ABTB3: variants seen among roughly 807,000 people sequenced by gnomAD.
The protein encoded by ABTB3 is ankyrin repeat- and BTB/POZ domain-containing protein 3.
At chr12:107,397,411 A>T in the ABTB3 span, among the ~76,000 whole-genome samples, 1 of 152,142 alleles carries the variant, frequency 6.6e-6, no homozygotes, top group African/African-American at 2.4e-5. Context: ...TGGGTCTCCT[A>T]TTCAGTAAAA....
chr12:107,657,988 G>A, the ABTB3 span: 1 of 491,304 alleles, frequency 2.0e-6, no homozygotes, highest in South Asian at 2.4e-5. Context: ...CCCACTGCCG[G>A]GGACCACTGT....
chr12:107,420,490 T>G, the ABTB3 span, among the ~76,000 whole-genome samples: 1 of 152,118 alleles, frequency 6.6e-6, no homozygotes, highest in Non-Finnish European at 1.5e-5. Flanking sequence ...CATATCAGAC[T>G]TATTCACTAT....
At chr12:107,507,074 G>A in the ABTB3 span, among the ~76,000 whole-genome samples, 1 of 152,118 alleles carries the variant, frequency 6.6e-6, no homozygotes, top group Admixed American at 6.5e-5. Context: ...GTGAAGAGAG[G>A]GTGTAAAGAG....
chr12:107,373,822 C>A, the ABTB3 span, among the ~76,000 whole-genome samples: 2 of 152,212 alleles, frequency 1.3e-5, no homozygotes, highest in Non-Finnish European at 2.9e-5. Flanking sequence ...CAGCATCCTG[C>A]GCTTTCCCTA....
the ABTB3 span, chr12:107,520,552 G>A: frequency 1.2e-6 from 2 of 1,614,198 alleles, no homozygotes; most frequent in Non-Finnish European, 1.7e-6. Flanking sequence ...CAAGCCAGGG[G>A]AACTGCCCAT....
chr12:107,587,835 G>T, the ABTB3 span, among the ~76,000 whole-genome samples: 10 of 152,206 alleles, frequency 6.6e-5, no homozygotes, highest in African/African-American at 2.4e-4. Flanking sequence ...TGTCTCCAAA[G>T]AGGTGAATTG....
the ABTB3 span, among the ~76,000 whole-genome samples, chr12:107,583,524 CT>C: frequency 6.6e-6 from 1 of 152,170 alleles, no homozygotes; most frequent in Non-Finnish European, 1.5e-5. Context: ...TGTCATTTTT[CT>C]GCTCTCTCAC....
the ABTB3 span, among the ~76,000 whole-genome samples, chr12:107,614,019 G>A: frequency 6.6e-6 from 1 of 152,140 alleles, no homozygotes; most frequent in East Asian, 1.9e-4. Context: ...ACCCACGCAA[G>A]GGGTCCTCAG....
At chr12:107,465,324 C>T in the ABTB3 span, among the ~76,000 whole-genome samples, 8 of 152,066 alleles carry the variant, frequency 5.3e-5, no homozygotes, top group Non-Finnish European at 8.8e-5. Context: ...GTAGTGTTGC[C>T]CAGTGCCTTC....
At chr12:107,644,874 C>T in the ABTB3 span, among the ~76,000 whole-genome samples, 4 of 151,922 alleles carry the variant, frequency 2.6e-5, no homozygotes, top group Admixed American at 2.6e-4. Context: ...TGCATAAGTT[C>T]AGGTCTCCAG....
the ABTB3 span, among the ~76,000 whole-genome samples, chr12:107,628,755 T>C: frequency 1.3e-5 from 2 of 152,212 alleles, no homozygotes; most frequent in African/African-American, 4.8e-5. Flanking sequence ...CATATGGTGA[T>C]ACATTCTCTT....
chr12:107,466,933 T>C, the ABTB3 span, among the ~76,000 whole-genome samples: 1 of 152,114 alleles, frequency 6.6e-6, no homozygotes, highest in Non-Finnish European at 1.5e-5. Context: ...CACAGCATGT[T>C]CACCATATCG....
At chr12:107,349,462 C>A in the ABTB3 span, among the ~76,000 whole-genome samples, 1 of 152,182 alleles carries the variant, frequency 6.6e-6, no homozygotes, top group Non-Finnish European at 1.5e-5. Flanking sequence ...TTTATTCATT[C>A]ATTCCCCAGA....
chr12:107,461,319 T>A, the ABTB3 span, among the ~76,000 whole-genome samples: 21 of 152,118 alleles, frequency 1.4e-4, no homozygotes, highest in Non-Finnish European at 2.9e-4. Context: ...GGACCCTAAA[T>A]CCAGTATGAC....
At chr12:107,586,125 G>T in the ABTB3 span, among the ~76,000 whole-genome samples, 5 of 152,258 alleles carry the variant, frequency 3.3e-5, no homozygotes, top group Admixed American at 6.5e-5. Context: ...TCAGGTGTTC[G>T]GAGAGCTCCT....
chr12:107,374,178 A>T, the ABTB3 span, among the ~76,000 whole-genome samples: 95 of 152,076 alleles, frequency 6.2e-4, 2 homozygotes, highest in Middle Eastern at 6.3e-3. Flanking sequence ...TGGTCAGAGC[A>T]CTTCTTTGTT....
the ABTB3 span, among the ~76,000 whole-genome samples, chr12:107,412,360 G>C: frequency 6.6e-6 from 1 of 152,138 alleles, no homozygotes; most frequent in Non-Finnish European, 1.5e-5. Flanking sequence ...GTGCCTTCAC[G>C]CTGACTGTCG....
At chr12:107,569,003 A>G in the ABTB3 span, among the ~76,000 whole-genome samples, 17 of 152,242 alleles carry the variant, frequency 1.1e-4, no homozygotes, top group African/African-American at 4.1e-4. Context: ...GCTGAAGCAC[A>G]CATTTAACCC....
At chr12:107,330,220 A>G in the ABTB3 span, among the ~76,000 whole-genome samples, 1 of 152,198 alleles carries the variant, frequency 6.6e-6, no homozygotes, top group Non-Finnish European at 1.5e-5. Context: ...CATCTGCCAG[A>G]TTAAGCAGGC....
Sources: allele counts gnomAD v4.1 joint callset (sites outside exome capture counted in the v4.1 genomes callset), GRCh38; gene constraint gnomAD v4.1.1; transcripts MANE v1.5; gene names NCBI Gene and HGNC (gene_info 2026-07-23, HGNC 2026-07-21).